Variants in ARNT2 observed in about 807,000 individuals in gnomAD.
ARNT2 encodes aryl hydrocarbon receptor nuclear translocator 2.
Under a neutral mutation model 91.7 loss-of-function variants are expected in ARNT2, and 36 were observed. The ratio of observed to expected loss-of-function variants is 0.39; its 90% CI spans 0.30 to 0.52. ARNT2 has a LOEUF of 0.52. ARNT2 is among the 20% of genes least tolerant of loss of function. The pLI is 0.72. For missense variants in ARNT2, 775 were observed against 939.3 expected (o/e 0.83, Z 2.29); for synonymous variants, 365 against 347.1 (o/e 1.05, Z -0.57).
At chr15:80,414,461 A>T (rs1895748174) in intron 1 of ARNT2, among the ~76,000 whole-genome samples, 1 of 152,242 alleles carries the variant, frequency 6.6e-6, no homozygotes, top group African/African-American at 2.4e-5. Context: ...TGGCCCCCAG[A>T]TAATAAAGGG....
At chr15:80,582,606 C>T (rs897015520) in intron 17 of ARNT2, among the ~76,000 whole-genome samples, 1 of 152,168 alleles carries the variant, frequency 6.6e-6, no homozygotes, top group South Asian at 2.1e-4. Flanking sequence ...CACGTCCGTC[C>T]CACTCAGCCC....
chr15:80,460,081 C>T (rs1357351033), intron 3 of ARNT2, among the ~76,000 whole-genome samples: 2 of 152,204 alleles, frequency 1.3e-5, no homozygotes, highest in Non-Finnish European at 2.9e-5. Context: ...TACAATCAGG[C>T]AACAGAAGCC....
intron 5 of ARNT2, among the ~76,000 whole-genome samples, chr15:80,507,495 A>G (rs1290296652): frequency 6.6e-6 from 1 of 152,056 alleles, no homozygotes; most frequent in African/African-American, 2.4e-5. Context: ...TTTGCGGTGC[A>G]TGGTCAGCTG....
At chr15:80,519,378 T>C (rs1233419000) in intron 8 of ARNT2, among the ~76,000 whole-genome samples, 5 of 152,302 alleles carry the variant, frequency 3.3e-5, no homozygotes, top group East Asian at 3.9e-4. Context: ...TTTTGAGTCT[T>C]TGATCAGCCT....
intron 12 of ARNT2, among the ~76,000 whole-genome samples, chr15:80,569,159 G>A (rs1200773475): frequency 1.3e-5 from 2 of 152,258 alleles, no homozygotes; most frequent in East Asian, 1.9e-4. Flanking sequence ...CAGAATGCCC[G>A]CTTCATGGCT....
intron 17 of ARNT2, among the ~76,000 whole-genome samples, chr15:80,583,198 G>A (rs1425991837): frequency 6.6e-6 from 1 of 152,254 alleles, no homozygotes; most frequent in Non-Finnish European, 1.5e-5. Context: ...GGGGGCCCTT[G>A]TGGCTGCAGG....
chr15:80,549,194 A>T (rs936442175), intron 8 of ARNT2, among the ~76,000 whole-genome samples: 4 of 152,198 alleles, frequency 2.6e-5, no homozygotes, highest in African/African-American at 9.6e-5. Flanking sequence ...ATAAAATTAG[A>T]TTAATATCCC....
chr15:80,464,087 T>C (rs1896610698), intron 3 of ARNT2, among the ~76,000 whole-genome samples: 1 of 152,208 alleles, frequency 6.6e-6, no homozygotes, highest in Non-Finnish European at 1.5e-5. Context: ...TGTGTCTCTT[T>C]GGAAGCTGCT....
At chr15:80,481,439 G>T (rs1324293812) in intron 5 of ARNT2, among the ~76,000 whole-genome samples, 1 of 152,200 alleles carries the variant, frequency 6.6e-6, no homozygotes, top group Non-Finnish European at 1.5e-5. Context: ...AGCTGGGTGG[G>T]TGGCTCACAC....
At chr15:80,423,257 G>T (rs1282752197) in intron 1 of ARNT2, among the ~76,000 whole-genome samples, 1 of 152,202 alleles carries the variant, frequency 6.6e-6, no homozygotes, top group Non-Finnish European at 1.5e-5. Context: ...GTTACCATCA[G>T]CGGGTCAACG....
chr15:80,494,796 C>T (rs1015115731), intron 5 of ARNT2, among the ~76,000 whole-genome samples: 8 of 152,042 alleles, frequency 5.3e-5, no homozygotes, highest in South Asian at 2.1e-4. Flanking sequence ...GTTCTCTGCC[C>T]GTTGGTATGG....
intron 1 of ARNT2, among the ~76,000 whole-genome samples, chr15:80,409,269 G>T (rs141691902): frequency 0.021 from 3,133 of 152,292 alleles, 45 homozygotes; most frequent in Non-Finnish European, 0.031. Context: ...ATCCACTGAT[G>T]TTTTTACTGT....
intron 8 of ARNT2, among the ~76,000 whole-genome samples, chr15:80,543,094 CAAAAAAAAAAAA>C (rs368917679): frequency 9.6e-4 from 83 of 86,662 alleles, no homozygotes; most frequent in Admixed American, 1.8e-3. Flanking sequence ...CAGACCCGGT[CAAAAAAAAAAAA>C]AAAAAAAAAA....
intron 1 of ARNT2, among the ~76,000 whole-genome samples, chr15:80,435,542 G>GC (rs767332439): frequency 3.3e-5 from 5 of 151,918 alleles, no homozygotes; most frequent in African/African-American, 1.2e-4. Flanking sequence ...CCAAACAGCT[G>GC]CCCCCCTCCC....
At chr15:80,425,169 C>G (rs936962650) in intron 1 of ARNT2, among the ~76,000 whole-genome samples, 1 of 152,190 alleles carries the variant, frequency 6.6e-6, no homozygotes, top group African/African-American at 2.4e-5. Flanking sequence ...GAAAGATGAG[C>G]AGAGACTCAA....
intron 8 of ARNT2, among the ~76,000 whole-genome samples, chr15:80,525,172 T>C (rs1897620648): frequency 6.6e-6 from 1 of 152,212 alleles, no homozygotes; most frequent in Non-Finnish European, 1.5e-5. Flanking sequence ...TTCCAGACAA[T>C]TGGATTGAGT....
intron 5 of ARNT2, 63 bp from the exon 6 acceptor site, chr15:80,508,093 C>A: frequency 6.6e-7 from 1 of 1,523,030 alleles, no homozygotes; most frequent in Non-Finnish European, 9.1e-7. Flanking sequence ...ACTCCCCGAA[C>A]TCCCTCCTCC....
rs143881481 is a variant in ARNT2 at position 80,481,206 on chromosome 15, G to A, written c.622+5983G>A. On this transcript the variant is annotated intron_variant, in intron 5 of 18. Coordinates refer to ENST00000303329, the MANE Select transcript of ARNT2 (RefSeq NM_014862.4). ...TTTTCAGCCTTGGATCACAGGATTT[G>A]GCTAGGCTGTGGTCTGGGCACAGAT... Among the ~76,000 whole-genome samples, 167 of 152,320 alleles carry A rather than the reference G, an allele frequency of 1.1e-3. 1 individual carries two copies. The highest frequency in any genetic ancestry group is 2.1e-3 in the Admixed American group (32 of 15,308).
At position 80,593,911 on chromosome 15, in the gene ARNT2, T is replaced by C. The variant is rs1400856606; in HGVS notation, c.*213T>C. On this transcript the variant is annotated 3_prime_UTR_variant, in exon 19 of 19. Transcript: ENST00000303329. ...ACTGACCAGGGGCCCTGGCAGACAT[T>C]AGGGGATCAGTTGTATTTATTGTAT... 1.8e-5 allele frequency: 10 copies of C among 566,394 alleles called. No homozygotes were observed. The highest frequency in any genetic ancestry group is 3.2e-5 in the Non-Finnish European group (10 of 317,338). 35.1% of individuals were successfully genotyped at this position (566,394 alleles called of 1,614,324 possible). A position where few individuals can be genotyped will look rare whatever the true frequency, so the allele number is the denominator to read the frequency against.
Sources: allele counts gnomAD v4.1 joint callset (sites outside exome capture counted in the v4.1 genomes callset), GRCh38; gene constraint gnomAD v4.1.1; transcripts MANE v1.5; gene names NCBI Gene and HGNC (gene_info 2026-07-23, HGNC 2026-07-21).